CDC42BPA: variants seen among roughly 807,000 people sequenced by gnomAD.
CDC42BPA encodes the protein serine/threonine-protein kinase MRCK alpha.
Under a neutral mutation model 223.5 loss-of-function variants are expected in CDC42BPA, and 80 were observed. That is an observed-to-expected ratio of 0.36 (90% CI 0.30 to 0.43). The LOEUF is 0.43. Ranked by LOEUF, CDC42BPA falls within the 20% of genes least tolerant of loss-of-function variation. CDC42BPA has a pLI of 1.00. For synonymous variants in CDC42BPA, 694 were observed against 718.6 expected (o/e 0.97, Z 0.55); for missense variants, 1,743 against 2,099.9 (o/e 0.83, Z 3.32).
intron 1 of CDC42BPA, among the ~76,000 whole-genome samples, chr1:227,275,759 C>G (rs1166364676): frequency 6.6e-6 from 1 of 152,162 alleles, no homozygotes; most frequent in African/African-American, 2.4e-5. Flanking sequence ...CGCGCCGCCA[C>G]GCCTGACTGG....
At chr1:227,209,854 G>C (rs1465545821) in intron 3 of CDC42BPA, among the ~76,000 whole-genome samples, 3 of 151,142 alleles carry the variant, frequency 2.0e-5, no homozygotes, top group African/African-American at 7.3e-5. Context: ...TTTGGTATCA[G>C]AATGATGCTG....
intron 20 of CDC42BPA, among the ~76,000 whole-genome samples, chr1:227,070,418 T>C (rs977623437): frequency 2.6e-5 from 4 of 151,892 alleles, no homozygotes; most frequent in African/African-American, 9.7e-5. Context: ...TACATATCTC[T>C]TGACTATGGC....
chr1:227,071,132 A>G (rs1274870958), intron 20 of CDC42BPA, among the ~76,000 whole-genome samples: 6 of 151,898 alleles, frequency 4.0e-5, no homozygotes, highest in African/African-American at 1.2e-4. Context: ...TAAGAAATTC[A>G]ATCCACAAGA....
intron 6 of CDC42BPA, among the ~76,000 whole-genome samples, chr1:227,155,771 C>T (rs550360047): frequency 2.2e-4 from 33 of 152,052 alleles, no homozygotes; most frequent in African/African-American, 7.5e-4. Context: ...TATGACACGA[C>T]GATGAGTATT....
intron 6 of CDC42BPA, among the ~76,000 whole-genome samples, chr1:227,147,793 T>C (rs996521226): frequency 6.6e-6 from 1 of 152,098 alleles, no homozygotes; most frequent in African/African-American, 2.4e-5. Context: ...CTGATGACAT[T>C]GAGAGGAACA....
chr1:227,299,428 C>A (rs1691254047), intron 1 of CDC42BPA, among the ~76,000 whole-genome samples: 1 of 151,982 alleles, frequency 6.6e-6, no homozygotes, highest in Non-Finnish European at 1.5e-5. Context: ...CCTTTTACTT[C>A]TTTTTTTAAA....
intron 11 of CDC42BPA, among the ~76,000 whole-genome samples, chr1:227,121,665 T>C (rs1050720954): frequency 3.9e-5 from 6 of 152,214 alleles, no homozygotes; most frequent in African/African-American, 7.2e-5. Context: ...TTCAGAAAAC[T>C]GTATTTTATC....
At chr1:227,273,087 C>G (rs766639047) in intron 1 of CDC42BPA, among the ~76,000 whole-genome samples, 1 of 151,996 alleles carries the variant, frequency 6.6e-6, no homozygotes, top group Non-Finnish European at 1.5e-5. Context: ...AAGGTGAGAT[C>G]AGGAGTTTGA....
At chr1:227,229,717 C>T (rs138410516) in intron 2 of CDC42BPA, among the ~76,000 whole-genome samples, 10 of 152,208 alleles carry the variant, frequency 6.6e-5, no homozygotes, top group African/African-American at 1.2e-4. Flanking sequence ...ATACTGCTGC[C>T]GGGCATAAAG....
intron 35 of CDC42BPA, among the ~76,000 whole-genome samples, chr1:226,998,964 C>G (rs1359767719): frequency 6.6e-6 from 1 of 152,010 alleles, no homozygotes; most frequent in African/African-American, 2.4e-5. Flanking sequence ...AAAACCAACC[C>G]CATCAAAAAG....
chr1:227,292,300 T>C (rs947662093), intron 1 of CDC42BPA, among the ~76,000 whole-genome samples: 5 of 140,430 alleles, frequency 3.6e-5, no homozygotes, highest in African/African-American at 1.3e-4. Flanking sequence ...TAAAGTATCA[T>C]AGTGTTAAAG....
At chr1:227,216,701 AC>A (rs1238816620) in intron 2 of CDC42BPA, among the ~76,000 whole-genome samples, 3 of 152,208 alleles carry the variant, frequency 2.0e-5, no homozygotes, top group African/African-American at 7.2e-5. Flanking sequence ...ATTTTCAAGA[AC>A]CACAGCTTAA....
chr1:227,158,299 A>G (rs1460412511), intron 6 of CDC42BPA, among the ~76,000 whole-genome samples: 2 of 151,922 alleles, frequency 1.3e-5, no homozygotes, highest in Non-Finnish European at 2.9e-5. Flanking sequence ...TAAGTCCAAC[A>G]TGTGTGCCAG....
At chr1:227,017,377 T>C (rs2148507624) in intron 32 of CDC42BPA, among the ~76,000 whole-genome samples, 1 of 152,358 alleles carries the variant, frequency 6.6e-6, no homozygotes, top group Middle Eastern at 3.4e-3. Context: ...CTCAATACTA[T>C]ATTTTCTCTC....
intron 15 of CDC42BPA, among the ~76,000 whole-genome samples, chr1:227,099,261 C>G (rs539782424): frequency 6.6e-6 from 1 of 151,578 alleles, no homozygotes; most frequent in Non-Finnish European, 1.5e-5. Context: ...TAAAAGTTAA[C>G]TGTAAAACAA....
intron 29 of CDC42BPA, among the ~76,000 whole-genome samples, chr1:227,029,654 AACTTAGAAT>A (rs74258788): frequency 0.14 from 21,389 of 152,146 alleles, 1,870 homozygotes; most frequent in South Asian, 0.33. Flanking sequence ...ATAAAGATAA[AACTTAGAAT>A]ACTGTATTTA....
At chr1:227,020,885 T>C (rs951208896) in intron 32 of CDC42BPA, among the ~76,000 whole-genome samples, 3 of 152,182 alleles carry the variant, frequency 2.0e-5, no homozygotes, top group African/African-American at 4.8e-5. Flanking sequence ...GTAAGAGATG[T>C]GCGACTCTTC....
chr1:227,180,701 CA>C (rs1667786431), intron 5 of CDC42BPA: 1 of 152,208 alleles, frequency 6.6e-6, no homozygotes, highest in Non-Finnish European at 1.5e-5. Flanking sequence ...AAAAACACCA[CA>C]AAAGTTCCTC....
At chr1:227,208,628 C>T (rs1024276012) in intron 3 of CDC42BPA, among the ~76,000 whole-genome samples, 2 of 149,078 alleles carry the variant, frequency 1.3e-5, no homozygotes, top group Non-Finnish European at 3.0e-5. Context: ...TTCCCCATTG[C>T]TTGTTTTTCT....
Sources: allele counts gnomAD v4.1 joint callset (sites outside exome capture counted in the v4.1 genomes callset), GRCh38; gene constraint gnomAD v4.1.1; transcripts MANE v1.5; gene names NCBI Gene and HGNC (gene_info 2026-07-23, HGNC 2026-07-21).